Variants in PSORS1C1 observed in about 807,000 individuals in gnomAD.
PSORS1C1 encodes the protein psoriasis susceptibility 1 candidate 1.
PSORS1C1 carries 7 observed loss-of-function variants against 9.4 expected under a neutral mutation model. The observed-to-expected ratio is 0.75, with a 90% CI of 0.42 to 1.40. The LOEUF (loss-of-function observed/expected upper bound fraction) is 1.40, where lower values mean the gene tolerates loss of function less well. PSORS1C1 is among the 40% of genes most tolerant of loss of function. The pLI is 0.01. For missense variants in PSORS1C1, 146 were observed against 178.1 expected (o/e 0.82, Z 1.02); for synonymous variants, 63 against 69.4 (o/e 0.91, Z 0.46).
At chr6:31,123,293 C>T (rs3132544) in intron 1 of PSORS1C1, among the ~76,000 whole-genome samples, 61,991 of 151,906 alleles carry the variant, frequency 0.41, 13,449 homozygotes, top group African/African-American at 0.57. Context: ...AGCTCTAATC[C>T]GCCGTGCTTT....
chr6:31,125,446 G>A (rs1264784945), intron 1 of PSORS1C1, among the ~76,000 whole-genome samples: 2 of 152,186 alleles, frequency 1.3e-5, no homozygotes, highest in African/African-American at 4.8e-5. Context: ...TGTGCGGGGA[G>A]GGGTGGACTG....
At chr6:31,122,309 C>A (rs1772497453) in intron 1 of PSORS1C1, among the ~76,000 whole-genome samples, 1 of 152,228 alleles carries the variant, frequency 6.6e-6, no homozygotes, top group Non-Finnish European at 1.5e-5. Flanking sequence ...CCTGCAGGTG[C>A]TCCTGTCTTC....
At chr6:31,124,524 C>T (rs1418926165) in intron 1 of PSORS1C1, among the ~76,000 whole-genome samples, 14 of 152,212 alleles carry the variant, frequency 9.2e-5, no homozygotes, top group Non-Finnish European at 2.9e-5. Context: ...GTTGGACTTC[C>T]AGGCCCACAT....
Position 31,129,632 on chromosome 6 carries a change from T to C in PSORS1C1, c.-1T>C, listed in dbSNP as rs1293711647. 1.3e-6 allele frequency: 1 copy of C among 779,830 alleles called. No individual in the cohort carries two copies. Among genetic ancestry groups the C allele is most frequent in the Non-Finnish European group, 2.4e-6 (1 of 418,116 alleles). 48.3% of individuals were successfully genotyped at this position (779,830 alleles called of 1,614,324 possible). ...CCAGTCTTGACTTTGGCACTTGTGA[T>C]ATGACTTGCACAGGTGAGTTACCTC... On this transcript the variant is annotated 5_prime_UTR_variant, in exon 3 of 6. Coordinates refer to ENST00000259881, the MANE Select transcript of PSORS1C1 (RefSeq NM_014068.3).
chr6:31,139,164 CG>C lies in PSORS1C1; in HGVS notation c.167+386del. The C allele has an allele frequency of 1.5e-6, 1 of 687,786 alleles. No individual in the cohort carries two copies. Among genetic ancestry groups the C allele is most frequent in the Non-Finnish European group, 2.5e-6 (1 of 397,878 alleles). 42.6% of individuals were successfully genotyped at this position (687,786 alleles called of 1,614,324 possible). A position where few individuals can be genotyped will look rare whatever the true frequency, so the allele number is the denominator to read the frequency against. On this transcript the variant is annotated intron_variant, in intron 5 of 5. Transcript: ENST00000259881. The surrounding 1 kb of genome is among the most constrained non-coding windows in gnomAD (Gnocchi z 5.2). Reference sequence around the variant, plus strand: ...CCATCAGAACAGAACTGGTCAAACCCGTTGGGAAGGCCTGGGCTGATGTGTC... The same window carrying C: ...CCATCAGAACAGAACTGGTCAAACCCTTGGGAAGGCCTGGGCTGATGTGTC...
intron 1 of PSORS1C1, among the ~76,000 whole-genome samples, chr6:31,124,831 G>A (rs192203492): frequency 3.9e-5 from 6 of 152,306 alleles, no homozygotes; most frequent in East Asian, 3.9e-4. Context: ...AGCCGGGTGC[G>A]GGGGCAGGCA....
Position 31,139,254 on chromosome 6 carries a change from T to C in PSORS1C1, c.168-387T>C, listed in dbSNP as rs2072108. 28,683 of 585,746 alleles carry C rather than the reference T, an allele frequency of 0.049. 1,392 individuals carry two copies. The highest frequency in any genetic ancestry group is 0.18 in the East Asian group (6,536 of 35,754). 36.3% of individuals were successfully genotyped at this position (585,746 alleles called of 1,614,324 possible). A position where few individuals can be genotyped will look rare whatever the true frequency, so the allele number is the denominator to read the frequency against. ...CCAGGACCCAGCTGCCTGCTCTCCC[T>C]ATCATGACCCAGAGCCTGCGTCACC... On this transcript the variant is annotated intron_variant, in intron 5 of 5. Coordinates refer to ENST00000259881, the MANE Select transcript of PSORS1C1 (RefSeq NM_014068.3). This position sits in a 1 kb window ranked among gnomAD's most constrained non-coding sequence, Gnocchi z 5.2.
chr6:31,136,296 A>T (rs1773133531), intron 3 of PSORS1C1, among the ~76,000 whole-genome samples: 1 of 151,512 alleles, frequency 6.6e-6, no homozygotes, highest in Non-Finnish European at 1.5e-5. Flanking sequence ...TTGAGGCAGG[A>T]GAATCACTTG....
At chr6:31,119,893 G>A (rs1274103392) in intron 1 of PSORS1C1, among the ~76,000 whole-genome samples, 2 of 139,020 alleles carry the variant, frequency 1.4e-5, no homozygotes, top group African/African-American at 5.6e-5. Context: ...GAGACAGAGT[G>A]GGACTCCATC....
chr6:31,135,300 G>C (rs112565290), intron 3 of PSORS1C1, among the ~76,000 whole-genome samples: 1 of 151,886 alleles, frequency 6.6e-6, no homozygotes, highest in Non-Finnish European at 1.5e-5. Flanking sequence ...GCAGTGGTGC[G>C]ATCTCGGCTC....
intron 1 of PSORS1C1, among the ~76,000 whole-genome samples, chr6:31,121,079 T>C (rs2239519): frequency 0.76 from 114,848 of 151,458 alleles, 43,825 homozygotes; most frequent in East Asian, 0.83. Context: ...CCTGGGGAAC[T>C]TTCTCCTTCT....
At chr6:31,127,017 G>C (rs1772711077) in intron 2 of PSORS1C1, among the ~76,000 whole-genome samples, 1 of 152,188 alleles carries the variant, frequency 6.6e-6, no homozygotes, top group Non-Finnish European at 1.5e-5. Flanking sequence ...CTCCTTGTCT[G>C]CTCATTATGT....
intron 4 of PSORS1C1, 70 bp from the exon 5 acceptor site, chr6:31,138,586 T>C: frequency 6.2e-7 from 1 of 1,609,034 alleles, no homozygotes; most frequent in Admixed American, 1.7e-5. Context: ...CCACCCCTGG[T>C]TGGGGTACCC....
In PSORS1C1 at chr6:31,139,659, A is replaced by T. The variant is rs1773346497; in HGVS notation, c.186A>T (p.Gln62His). Residue 62 changes from glutamine (Q) to histidine (H), a missense_variant, in exon 6 of 6, where the codon CAA becomes CAT. Physicochemically the swap from Gln to His is conservative, Grantham distance 24. Coordinates refer to ENST00000259881, the MANE Select transcript of PSORS1C1 (RefSeq NM_014068.3). This position sits in a 1 kb window ranked among gnomAD's most constrained non-coding sequence, Gnocchi z 5.2. Reference protein sequence around the residue: ...ANHFWHAGDLQAMISKEFHLA... With the variant: ...ANHFWHAGDLHAMISKEFHLA... ...TCTTCAGGCATGCAGGGGACCTCCA[A>T]GCAATGATATCCAAGGAATTCCATC... is the stretch of plus-strand genomic sequence containing the variant. 6.2e-7 allele frequency: 1 copy of T among 1,612,438 alleles called. No individual in the cohort carries two copies. The highest frequency in any genetic ancestry group is 1.3e-5 in the African/African-American group (1 of 75,010).
At chr6:31,123,599 C>T (rs570575325) in intron 1 of PSORS1C1, among the ~76,000 whole-genome samples, 1 of 152,354 alleles carries the variant, frequency 6.6e-6, no homozygotes, top group South Asian at 2.1e-4. Flanking sequence ...CGTAGACACT[C>T]TACACCCGAG....
chr6:31,126,777 C>T (rs1396212550), intron 2 of PSORS1C1, among the ~76,000 whole-genome samples: 1 of 152,136 alleles, frequency 6.6e-6, no homozygotes, highest in Non-Finnish European at 1.5e-5. Context: ...GCTTTCTTCC[C>T]CCCGCTCCCC....
intron 1 of PSORS1C1, among the ~76,000 whole-genome samples, chr6:31,124,540 C>T (rs2150965226): frequency 1.3e-5 from 2 of 152,312 alleles, no homozygotes; most frequent in East Asian, 3.9e-4. Context: ...CACATAGATC[C>T]TATTACTCTG....
intron 1 of PSORS1C1, chr6:31,117,249 G>C: frequency 6.2e-7 from 1 of 1,611,530 alleles, no homozygotes; most frequent in Non-Finnish European, 8.5e-7. Flanking sequence ...GTAGACTAGA[G>C]CCAGATCCGG....
At chr6:31,118,839 T>TTTTTTTTTTTTG (rs1772307069) in intron 1 of PSORS1C1, 1 of 73,608 alleles carries the variant, frequency 1.4e-5, no homozygotes, top group African/African-American at 5.5e-5. Context: ...TTTTTCTTCT[T>TTTTTTTTTTTTG]CTTCTTTTTT....
Sources: allele counts gnomAD v4.1 joint callset (sites outside exome capture counted in the v4.1 genomes callset), GRCh38; gene constraint gnomAD v4.1.1; non-coding constraint Gnocchi (gnomAD v3.1); transcripts MANE v1.5; gene names NCBI Gene and HGNC (gene_info 2026-07-23, HGNC 2026-07-21).